OR2L13: variants seen among roughly 807,000 people sequenced by gnomAD.
OR2L13 encodes the protein olfactory receptor 2L13.
A neutral mutation model predicts 15.3 loss-of-function variants in OR2L13; 14 were observed. The ratio of observed to expected loss-of-function variants is 0.91; its 90% CI spans 0.60 to 1.43. The LOEUF is 1.43. Among genes scored for constraint, OR2L13 ranks in the 40% most tolerant of loss-of-function variants. The probability of loss-of-function intolerance (pLI) is 0.00; values close to 1 mark genes in which losing one functional copy is unlikely to be tolerated. For missense variants in OR2L13, 367 were observed against 387.9 expected (o/e 0.95, Z 0.45); for synonymous variants, 152 against 142.9 (o/e 1.06, Z -0.45).
At chr1:248,080,258 A>G in the OR2L13 span, among the ~76,000 whole-genome samples, 1 of 151,922 alleles carries the variant, frequency 6.6e-6, no homozygotes, top group African/African-American at 2.4e-5. Context: ...TCTTTTTTTC[A>G]TTGCATTAGG....
At chr1:248,085,963 C>T in the OR2L13 span, among the ~76,000 whole-genome samples, 12 of 152,316 alleles carry the variant, frequency 7.9e-5, no homozygotes, top group African/African-American at 2.9e-4. Flanking sequence ...TGCTGCTTAC[C>T]TCCTGTGCAG....
intron 1 of OR2L13, chr1:248,097,471 A>G (rs1664763840): frequency 6.6e-6 from 1 of 152,188 alleles, no homozygotes. Flanking sequence ...CCAATATCCC[A>G]TGACCTAAAA....
the OR2L13 span, among the ~76,000 whole-genome samples, chr1:247,951,995 G>C: frequency 6.6e-6 from 1 of 151,958 alleles, no homozygotes. Context: ...GTGTGTGTGC[G>C]CGCGTGCGCG....
the OR2L13 span, among the ~76,000 whole-genome samples, chr1:248,083,072 AC>A: frequency 1.3e-5 from 2 of 152,226 alleles, no homozygotes; most frequent in African/African-American, 4.8e-5. Context: ...TGGAATAAAT[AC>A]AAAAGAAATG....
the OR2L13 span, chr1:248,039,060 C>T: frequency 3.3e-5 from 54 of 1,613,962 alleles, no homozygotes; most frequent in Middle Eastern, 1.6e-4. Context: ...AAGATCCCTG[C>T]GATCTCCAAC....
chr1:248,073,466 A>G, the OR2L13 span, among the ~76,000 whole-genome samples: 1 of 148,390 alleles, frequency 6.7e-6, no homozygotes, highest in Non-Finnish European at 1.5e-5. Flanking sequence ...TCACACTCTG[A>G]GGACTGTTGT....
the OR2L13 span, among the ~76,000 whole-genome samples, chr1:247,959,263 T>A: frequency 6.6e-6 from 1 of 152,142 alleles, no homozygotes; most frequent in Non-Finnish European, 1.5e-5. Flanking sequence ...GAATGTTGAA[T>A]ATTGGCCCCC....
the OR2L13 span, among the ~76,000 whole-genome samples, chr1:248,070,663 T>A: frequency 6.6e-6 from 1 of 152,040 alleles, no homozygotes; most frequent in African/African-American, 2.4e-5. Context: ...CAAAAAACCC[T>A]TCAAAAAATT....
the OR2L13 span, among the ~76,000 whole-genome samples, chr1:247,959,170 T>A: frequency 6.6e-6 from 1 of 152,098 alleles, no homozygotes; most frequent in Non-Finnish European, 1.5e-5. Flanking sequence ...TTTGCTTGTC[T>A]GTAAAGTATT....
chr1:247,980,204 C>G, the OR2L13 span, among the ~76,000 whole-genome samples: 2 of 152,036 alleles, frequency 1.3e-5, no homozygotes, highest in Non-Finnish European at 2.9e-5. Context: ...TCAATAGTTG[C>G]ATCATTTTTA....
the OR2L13 span, among the ~76,000 whole-genome samples, chr1:247,963,275 C>G: frequency 6.6e-6 from 1 of 152,146 alleles, no homozygotes; most frequent in Non-Finnish European, 1.5e-5. Flanking sequence ...CTCACCTTTT[C>G]AGACCATATA....
At chr1:248,072,054 A>C in the OR2L13 span, among the ~76,000 whole-genome samples, 2 of 151,510 alleles carry the variant, frequency 1.3e-5, no homozygotes, top group Non-Finnish European at 3.0e-5. Flanking sequence ...CATACTGCCC[A>C]AGGTAATTTA....
At chr1:248,008,554 A>G in the OR2L13 span, among the ~76,000 whole-genome samples, 1 of 152,156 alleles carries the variant, frequency 6.6e-6, no homozygotes, top group Non-Finnish European at 1.5e-5. Context: ...TTTTGTACTT[A>G]CAAAGAGGCT....
chr1:248,056,513 C>T, the OR2L13 span, among the ~76,000 whole-genome samples: 1 of 152,106 alleles, frequency 6.6e-6, no homozygotes, highest in Non-Finnish European at 1.5e-5. Flanking sequence ...TCCCTCTTAA[C>T]ACTGATTTCT....
At chr1:248,091,637 C>G (rs533345976), upstream of OR2L13, among the ~76,000 whole-genome samples, 108 of 151,834 alleles carry the variant, frequency 7.1e-4, no homozygotes, top group African/African-American at 2.5e-3. Context: ...TTCCGTTGGT[C>G]TATGCATCTG....
chr1:248,063,969 A>C, the OR2L13 span, among the ~76,000 whole-genome samples: 2 of 152,212 alleles, frequency 1.3e-5, no homozygotes, highest in South Asian at 2.1e-4. Flanking sequence ...GAAATTATTA[A>C]ATATTCCAAT....
the OR2L13 span, among the ~76,000 whole-genome samples, chr1:248,056,704 A>G: frequency 1.4e-5 from 2 of 142,014 alleles, no homozygotes; most frequent in South Asian, 4.5e-4. Flanking sequence ...CTGGAGTGCA[A>G]TGGTGTGATC....
the OR2L13 span, chr1:247,949,714 C>T: frequency 6.3e-5 from 102 of 1,613,892 alleles, 1 homozygote; most frequent in South Asian, 1.1e-3. Flanking sequence ...ATGCTCAACC[C>T]CATCATCTAT....
At chr1:248,043,860 A>C in the OR2L13 span, among the ~76,000 whole-genome samples, 1 of 152,174 alleles carries the variant, frequency 6.6e-6, no homozygotes, top group Non-Finnish European at 1.5e-5. Flanking sequence ...GTGCTCTGCT[A>C]CTAGGGTTTG....
Sources: gnomAD v4.1 joint callset for allele counts (sites outside exome capture counted in the v4.1 genomes callset) on GRCh38, gnomAD v4.1.1 for gene constraint, MANE v1.5 for transcripts, NCBI Gene and HGNC (gene_info 2026-07-23, HGNC 2026-07-21) for gene names.